Variants in GALNT18 observed in about 807,000 individuals in gnomAD.
GALNT18 encodes the protein GalNAc-transferase 18.
Under a neutral mutation model 69.5 loss-of-function variants are expected in GALNT18, and 44 were observed. The ratio of observed to expected loss-of-function variants is 0.63; its 90% CI spans 0.50 to 0.81. GALNT18 has a LOEUF of 0.81. Ranked by LOEUF, GALNT18 falls within the 40% of genes least tolerant of loss-of-function variation. The pLI, the probability that GALNT18 is intolerant of heterozygous loss-of-function variation, is 0.00. For synonymous variants in GALNT18, 364 were observed against 318.2 expected (o/e 1.14, Z -1.53); for missense variants, 715 against 810.0 (o/e 0.88, Z 1.42).
chr11:11,278,550 A>G (rs1025432814), intron 10 of GALNT18, among the ~76,000 whole-genome samples: 17 of 152,304 alleles, frequency 1.1e-4, no homozygotes, highest in Non-Finnish European at 2.4e-4. Flanking sequence ...CAACATGGAT[A>G]GAACGGGAGG....
chr11:11,585,354 CTTTT>C, intron 1 of GALNT18, among the ~76,000 whole-genome samples: 1 of 138,370 alleles, frequency 7.2e-6, no homozygotes, highest in East Asian at 2.1e-4. Flanking sequence ...GAAGAAAAAT[CTTTT>C]TTTTTTTTTT....
intron 3 of GALNT18, among the ~76,000 whole-genome samples, chr11:11,403,506 T>C (rs1854513815): frequency 6.6e-6 from 1 of 152,200 alleles, no homozygotes; most frequent in Non-Finnish European, 1.5e-5. Flanking sequence ...CTGAATACTG[T>C]ACTTCTAGAT....
In GALNT18 at chr11:11,584,459, C is replaced by A. The variant is rs1434144940; in HGVS notation, c.235+36900G>T. 6.6e-6 allele frequency among the ~76,000 whole-genome samples: 1 copy of A among 152,148 alleles called. No homozygotes were observed. The highest frequency in any genetic ancestry group is 2.4e-5 in the African/African-American group (1 of 41,434). On this transcript the variant is annotated intron_variant, in intron 1 of 10. Transcript: ENST00000227756. This position sits in a 1 kb window ranked among gnomAD's most constrained non-coding sequence, Gnocchi z 4.1. ...AGAAATGGGTTCCTATTCTCCAGTGCATTTCAACTGGCCATATTCTCAGCA... is the reference window on the plus strand; with the variant it reads ...AGAAATGGGTTCCTATTCTCCAGTGAATTTCAACTGGCCATATTCTCAGCA...
intron 6 of GALNT18, among the ~76,000 whole-genome samples, chr11:11,362,574 T>C (rs1850668018): frequency 6.6e-6 from 1 of 152,132 alleles, no homozygotes; most frequent in Non-Finnish European, 1.5e-5. Flanking sequence ...GCCTTAATCA[T>C]ATGAAAATCT....
At chr11:11,475,291 T>G (rs1055668849) in intron 1 of GALNT18, 1 of 152,222 alleles carries the variant, frequency 6.6e-6, no homozygotes, top group Non-Finnish European at 1.5e-5. Flanking sequence ...AGCTGATAAT[T>G]ATCATATTTC....
intron 1 of GALNT18, among the ~76,000 whole-genome samples, chr11:11,455,034 TC>T (rs1192509586): frequency 6.6e-6 from 1 of 152,154 alleles, no homozygotes; most frequent in Non-Finnish European, 1.5e-5. Flanking sequence ...TTCCTGCCCA[TC>T]CCCAGGGTGC....
intron 3 of GALNT18, among the ~76,000 whole-genome samples, chr11:11,416,537 T>C (rs1001389208): frequency 6.6e-6 from 1 of 152,176 alleles, no homozygotes; most frequent in Non-Finnish European, 1.5e-5. Flanking sequence ...TGTCACCCCA[T>C]CAAATTCATC....
In GALNT18 at chr11:11,564,463, C is replaced by A. The variant is rs1050944851; in HGVS notation, c.235+56896G>T. Among the ~76,000 whole-genome samples the A allele has an allele frequency of 1.3e-5, 2 of 152,166 alleles. No individual in the cohort carries two copies. Among genetic ancestry groups the A allele is most frequent in the African/African-American group, 4.8e-5 (2 of 41,432 alleles). On this transcript the variant is annotated intron_variant, in intron 1 of 10. Coordinates refer to ENST00000227756, the MANE Select transcript of GALNT18 (RefSeq NM_198516.3). This position sits in a 1 kb window ranked among gnomAD's most constrained non-coding sequence, Gnocchi z 4.3. ...TCCATCACATGAGACCCCCCTGGGTCTTCTCATCCATGCCTCCCTTCTTTT... is the reference window on the plus strand; with the variant it reads ...TCCATCACATGAGACCCCCCTGGGTATTCTCATCCATGCCTCCCTTCTTTT...
intron 7 of GALNT18, among the ~76,000 whole-genome samples, chr11:11,335,260 T>C (rs996729526): frequency 2.0e-5 from 3 of 152,184 alleles, no homozygotes; most frequent in African/African-American, 7.2e-5. Context: ...CATCTCCTGC[T>C]AGGAAGCTCA....
At chr11:11,462,980 C>G (rs1856078390) in intron 1 of GALNT18, among the ~76,000 whole-genome samples, 1 of 152,150 alleles carries the variant, frequency 6.6e-6, no homozygotes, top group Non-Finnish European at 1.5e-5. Flanking sequence ...TCTCAGAGAC[C>G]CCTTAACTGT....
intron 6 of GALNT18, among the ~76,000 whole-genome samples, chr11:11,345,840 A>G (rs1850292790): frequency 6.6e-6 from 1 of 152,334 alleles, no homozygotes; most frequent in South Asian, 2.1e-4. Flanking sequence ...AACAGGGCAC[A>G]GGAAGAAACC....
At chr11:11,407,873 G>T (rs1177902525) in intron 3 of GALNT18, among the ~76,000 whole-genome samples, 1 of 152,152 alleles carries the variant, frequency 6.6e-6, no homozygotes, top group Non-Finnish European at 1.5e-5. Flanking sequence ...GGAGGCCAGG[G>T]CAGAGCTCCC....
At chr11:11,298,245 C>CAGGAAGGGA (rs755120825) in intron 9 of GALNT18, among the ~76,000 whole-genome samples, 5 of 152,246 alleles carry the variant, frequency 3.3e-5, no homozygotes, top group Non-Finnish European at 7.3e-5. Flanking sequence ...GCCACAGCTT[C>CAGGAAGGGA]AGGAAGGGAA....
rs550458095 is a variant in GALNT18 at position 11,547,497 on chromosome 11, G to A, written c.235+73862C>T. On this transcript the variant is annotated intron_variant, in intron 1 of 10. Coordinates refer to ENST00000227756, the MANE Select transcript of GALNT18 (RefSeq NM_198516.3). ...TGCCCATGGCCTGGGCCTCTATGAAGTTGCCAGGCATGCGTCCCTCCCCAC... is the reference window on the plus strand; with the variant it reads ...TGCCCATGGCCTGGGCCTCTATGAAATTGCCAGGCATGCGTCCCTCCCCAC... Among the ~76,000 whole-genome samples the A allele has an allele frequency of 4.1e-4, 62 of 152,344 alleles. No homozygotes were observed. In the South Asian group the frequency reaches 0.013, roughly 31 times the overall value.
intron 3 of GALNT18, among the ~76,000 whole-genome samples, chr11:11,394,745 T>C (rs974254931): frequency 3.3e-5 from 5 of 152,186 alleles, no homozygotes. Flanking sequence ...GGGATAGATA[T>C]AATTAGAGGT....
At chr11:11,343,365 T>C (rs910346923) in intron 6 of GALNT18, among the ~76,000 whole-genome samples, 1 of 151,114 alleles carries the variant, frequency 6.6e-6, no homozygotes, top group Non-Finnish European at 1.5e-5. Context: ...ATAAAAAAAA[T>C]AAAAAATAAT....
intron 3 of GALNT18, among the ~76,000 whole-genome samples, chr11:11,405,904 G>C (rs991565021): frequency 6.6e-6 from 1 of 152,194 alleles, no homozygotes; most frequent in Admixed American, 6.5e-5. Flanking sequence ...CAGCCTTACT[G>C]CTGCACTAGT....
intron 1 of GALNT18, among the ~76,000 whole-genome samples, chr11:11,506,680 T>G (rs1564983927): frequency 6.6e-6 from 1 of 152,214 alleles, no homozygotes; most frequent in Non-Finnish European, 1.5e-5. Flanking sequence ...AACTGTGTTA[T>G]TAGAAAAGTG....
At chr11:11,528,424 G>A (rs1857566632) in intron 1 of GALNT18, among the ~76,000 whole-genome samples, 1 of 152,196 alleles carries the variant, frequency 6.6e-6, no homozygotes, top group African/African-American at 2.4e-5. Flanking sequence ...AGACAGTAAG[G>A]AGTTGTGAGG....
Sources: gnomAD v4.1 joint callset for allele counts (sites outside exome capture counted in the v4.1 genomes callset) on GRCh38, gnomAD v4.1.1 for gene constraint, Gnocchi (gnomAD v3.1) non-coding constraint, MANE v1.5 for transcripts, NCBI Gene and HGNC (gene_info 2026-07-23, HGNC 2026-07-21) for gene names.